CSMD3: variants seen among roughly 807,000 people sequenced by gnomAD.
CSMD3 encodes the protein CUB and Sushi multiple domains 3, also known as CUB and sushi domain-containing protein 3.
In CSMD3, 177 loss-of-function variants were observed where a neutral mutation model predicts 435.2. The observed-to-expected ratio is 0.41, with a 90% confidence interval of 0.36 to 0.46. CSMD3 has a LOEUF of 0.46. Ranked by LOEUF, CSMD3 falls within the 20% of genes least tolerant of loss-of-function variation. The pLI is 0.34. For missense variants in CSMD3, 4,265 were observed against 4,504.6 expected (o/e 0.95, Z 1.52); for synonymous variants, 1,656 against 1,520.5 (o/e 1.09, Z -2.07).
chr8:112,494,494 C>CTTTCTTT, intron 30 of CSMD3, among the ~76,000 whole-genome samples: 1 of 40,174 alleles, frequency 2.5e-5, no homozygotes, highest in Non-Finnish European at 5.9e-5. Flanking sequence ...TTCTTTCTCT[C>CTTTCTTT]CTTTCTTTCT....
chr8:113,071,514 C>G (rs191511414), intron 5 of CSMD3, among the ~76,000 whole-genome samples: 4 of 151,970 alleles, frequency 2.6e-5, no homozygotes, highest in Admixed American at 6.6e-5. Flanking sequence ...GATAAGGATC[C>G]AATTTCATTC....
chr8:113,110,948 T>C (rs1041398882), intron 4 of CSMD3, among the ~76,000 whole-genome samples: 1 of 152,178 alleles, frequency 6.6e-6, no homozygotes, highest in African/African-American at 2.4e-5. Flanking sequence ...TGTGTACTTA[T>C]GTGGTAGAAG....
intron 27 of CSMD3, among the ~76,000 whole-genome samples, chr8:112,549,477 G>T (rs534869671): frequency 6.6e-6 from 1 of 151,984 alleles, no homozygotes; most frequent in Non-Finnish European, 1.5e-5. Context: ...ATTTGTTTGT[G>T]TTAGTAGGGA....
At chr8:112,910,080 C>A (rs1057121589) in intron 10 of CSMD3, among the ~76,000 whole-genome samples, 12 of 151,742 alleles carry the variant, frequency 7.9e-5, no homozygotes, top group African/African-American at 2.9e-4. Flanking sequence ...TTTTCGGGAT[C>A]CTCAGTGCAG....
At chr8:113,102,457 T>C (rs903203983) in intron 4 of CSMD3, among the ~76,000 whole-genome samples, 3 of 152,158 alleles carry the variant, frequency 2.0e-5, no homozygotes, top group Non-Finnish European at 4.4e-5. Context: ...ATGATCCCTG[T>C]TCTCATGGAG....
chr8:112,446,136 G>A (rs754351276), intron 32 of CSMD3, among the ~76,000 whole-genome samples: 6 of 152,154 alleles, frequency 3.9e-5, no homozygotes, highest in Non-Finnish European at 7.3e-5. Context: ...AGCATTGGGA[G>A]CAGAATTCAA....
chr8:113,216,215 G>T (rs1350737252), intron 3 of CSMD3, among the ~76,000 whole-genome samples: 1 of 151,694 alleles, frequency 6.6e-6, no homozygotes, highest in Non-Finnish European at 1.5e-5. Context: ...CAATTAAATT[G>T]ATCTATAAGT....
In CSMD3 at chr8:112,224,939, G is replaced by A. The variant is rs1421143517; in HGVS notation, c.10965-9C>T. 1 of 1,613,360 alleles carries A rather than the reference G, an allele frequency of 6.2e-7. No individual in the cohort carries two copies. The highest frequency in any genetic ancestry group is 8.5e-7 in the Non-Finnish European group (1 of 1,179,324). On this transcript the variant is annotated splice_polypyrimidine_tract_variant and intron_variant, in intron 70 of 70. Coordinates refer to ENST00000297405, the MANE Select transcript of CSMD3 (RefSeq NM_198123.2). ...GTGTTTTAGGTGCAGTCCTGTTGATGAGAACATTGATTAGCTATGTGTTAA... is the reference window on the plus strand; with the variant it reads ...GTGTTTTAGGTGCAGTCCTGTTGATAAGAACATTGATTAGCTATGTGTTAA...
chr8:113,284,290 T>C (rs2093631346), intron 2 of CSMD3, among the ~76,000 whole-genome samples: 1 of 152,130 alleles, frequency 6.6e-6, no homozygotes, highest in Non-Finnish European at 1.5e-5. Context: ...TGTCAATGTA[T>C]GTCATGGAGG....
At chr8:112,273,298 T>C (rs919550856) in intron 59 of CSMD3, among the ~76,000 whole-genome samples, 1 of 152,006 alleles carries the variant, frequency 6.6e-6, no homozygotes, top group African/African-American at 2.4e-5. Context: ...AAAATGAAAG[T>C]GTTCCTCAGC....
At chr8:112,396,784 A>G (rs1019199307) in intron 35 of CSMD3, among the ~76,000 whole-genome samples, 6 of 152,220 alleles carry the variant, frequency 3.9e-5, no homozygotes, top group African/African-American at 1.2e-4. Context: ...ACAACCAAAA[A>G]TTATACATAA....
intron 13 of CSMD3, among the ~76,000 whole-genome samples, chr8:112,793,112 A>G (rs1587312975): frequency 6.7e-6 from 1 of 148,424 alleles, no homozygotes; most frequent in Non-Finnish European, 1.5e-5. Context: ...ATGTAAACAT[A>G]TTTATATTGC....
chr8:112,751,260 A>G (rs867390645), intron 13 of CSMD3, among the ~76,000 whole-genome samples: 12 of 152,098 alleles, frequency 7.9e-5, no homozygotes, highest in Admixed American at 3.3e-4. Flanking sequence ...ACAGTTCCCA[A>G]CATCTAGCTC....
At chr8:113,276,207 T>C (rs920578193) in intron 3 of CSMD3, among the ~76,000 whole-genome samples, 1 of 152,126 alleles carries the variant, frequency 6.6e-6, no homozygotes, top group Admixed American at 6.6e-5. Flanking sequence ...TCATGTTACA[T>C]GGCCAAAAAG....
chr8:112,848,613 T>G (rs2129682142), intron 11 of CSMD3, among the ~76,000 whole-genome samples: 1 of 152,184 alleles, frequency 6.6e-6, no homozygotes, highest in Non-Finnish European at 1.5e-5. Context: ...TTCCTTAAAC[T>G]TACAAGGTAG....
intron 22 of CSMD3, among the ~76,000 whole-genome samples, chr8:112,626,384 TA>T (rs1237114265): frequency 3.3e-5 from 5 of 152,126 alleles, no homozygotes; most frequent in African/African-American, 1.2e-4. Context: ...CTATCTTAGC[TA>T]AGTGCATTAC....
chr8:112,311,109 C>A lies in CSMD3; in HGVS notation c.7754G>T (p.Gly2585Val), dbSNP rs141864545. 1 of 1,614,040 alleles carries A rather than the reference C, an allele frequency of 6.2e-7. No homozygotes were observed. The highest frequency in any genetic ancestry group is 8.5e-7 in the Non-Finnish European group (1 of 1,179,990). ...PPHGYIISQT[G>V]GQLNSVVRWA... is the part of the protein sequence containing the mutation. ...ACGGACCACACTGTTAAGCTGCCCA[C>A]CTGTCTGACTGATAATATATCCATG... The change falls in exon 50 of 71, where the codon GGT becomes GTT. Residue 2585 changes from glycine (G) to valine (V), a missense_variant. Around this residue, in one of 3 missense-constraint regions of CSMD3, gnomAD observed 3,255 missense variants for 3,380.2 expected, o/e 0.96. Transcript: ENST00000297405.
chr8:113,134,692 T>C (rs1564352624), intron 4 of CSMD3, among the ~76,000 whole-genome samples: 1 of 152,092 alleles, frequency 6.6e-6, no homozygotes, highest in African/African-American at 2.4e-5. Flanking sequence ...ACAGCCTTTA[T>C]ATTTACATAT....
chr8:112,628,730 A>G (rs890494545), intron 22 of CSMD3, among the ~76,000 whole-genome samples: 3 of 152,208 alleles, frequency 2.0e-5, no homozygotes, highest in Non-Finnish European at 4.4e-5. Flanking sequence ...TCAATATAGC[A>G]TGATGAAATC....
Sources: gnomAD v4.1 joint callset for allele counts (sites outside exome capture counted in the v4.1 genomes callset) on GRCh38, gnomAD v4.1.1 for gene constraint, gnomAD v4.1.1 regional missense constraint, MANE v1.5 for transcripts, NCBI Gene and HGNC (gene_info 2026-07-23, HGNC 2026-07-21) for gene names.